The following OXR1 variants were observed in gnomAD, a reference collection of about 807,000 sequenced individuals.
OXR1 encodes the protein oxidation resistance protein 1.
OXR1 carries 41 observed loss-of-function variants against 104.6 expected under a neutral mutation model. The ratio of observed to expected loss-of-function variants is 0.39; its 90% CI spans 0.31 to 0.51. OXR1 has a LOEUF of 0.51. Ranked by LOEUF, OXR1 falls within the 20% of genes least tolerant of loss-of-function variation. The pLI, the probability that OXR1 is intolerant of heterozygous loss-of-function variation, is 0.77. For synonymous variants in OXR1, 348 were observed against 348.4 expected (o/e 1.00, Z 0.01); for missense variants, 955 against 1,031.9 (o/e 0.93, Z 1.02).
intron 10 of OXR1, among the ~76,000 whole-genome samples, chr8:106,713,431 G>A (rs1395402047): frequency 6.6e-6 from 1 of 151,854 alleles, no homozygotes; most frequent in Non-Finnish European, 1.5e-5. Context: ...TGTATATAAT[G>A]TCTCAAAATA....
chr8:106,478,441 C>T (rs769214577), intron 2 of OXR1, among the ~76,000 whole-genome samples: 11 of 151,730 alleles, frequency 7.2e-5, no homozygotes, highest in Non-Finnish European at 1.2e-4. Context: ...TTTTAATTCA[C>T]ACTTGCAAAG....
chr8:106,706,313 T>C lies in OXR1; in HGVS notation c.861-69T>C, dbSNP rs1587172638. 4.7e-6 allele frequency: 5 copies of C among 1,067,924 alleles called. No homozygotes were observed. In the South Asian group the frequency reaches 6.3e-5, roughly 13 times the overall value. The allele number at this position is 1,067,924 out of a possible 1,614,324, so 66.2% of individuals were successfully genotyped here. A position where few individuals can be genotyped will look rare whatever the true frequency, so the allele number is the denominator to read the frequency against. ...TCTTTTTAGTGATACTAATTCTGTG[T>C]TCAGTGTGTGAAAAGTAAAATACCA... On this transcript the variant is annotated intron_variant, in intron 8 of 16. Coordinates refer to ENST00000517566, the MANE Select transcript of OXR1 (RefSeq NM_001198533.2).
intron 7 of OXR1, among the ~76,000 whole-genome samples, chr8:106,701,066 A>G (rs1830548042): frequency 6.6e-6 from 1 of 152,186 alleles, no homozygotes; most frequent in Non-Finnish European, 1.5e-5. Flanking sequence ...GTACTTTACC[A>G]TCTCTCATTG....
chr8:106,370,769 T>G (rs1816673159), intron 2 of OXR1, among the ~76,000 whole-genome samples: 1 of 152,098 alleles, frequency 6.6e-6, no homozygotes, highest in East Asian at 1.9e-4. Context: ...TGTGGATAAG[T>G]TTTTCCATGT....
intron 6 of OXR1, among the ~76,000 whole-genome samples, chr8:106,688,101 G>T (rs1339663397): frequency 2.0e-5 from 3 of 151,810 alleles, no homozygotes; most frequent in Non-Finnish European, 4.4e-5. Flanking sequence ...CTTTTGTTTT[G>T]TACACCTTTG....
At chr8:106,623,652 A>C (rs998504226) in intron 3 of OXR1, among the ~76,000 whole-genome samples, 1 of 152,178 alleles carries the variant, frequency 6.6e-6, no homozygotes, top group Non-Finnish European at 1.5e-5. Flanking sequence ...GAAGAACTGG[A>C]GACTGAAGAA....
chr8:106,341,956 T>A (rs1815271216), intron 1 of OXR1, among the ~76,000 whole-genome samples: 1 of 151,440 alleles, frequency 6.6e-6, no homozygotes, highest in African/African-American at 2.4e-5. Flanking sequence ...GCTCATTGCA[T>A]CCTTGAACTC....
chr8:106,465,780 A>G (rs1033121202), intron 2 of OXR1, among the ~76,000 whole-genome samples: 1 of 152,018 alleles, frequency 6.6e-6, no homozygotes, highest in Admixed American at 6.6e-5. Flanking sequence ...TTTCTCTTAT[A>G]TCACTAGATT....
intron 2 of OXR1, among the ~76,000 whole-genome samples, chr8:106,365,029 T>C (rs1308997127): frequency 6.6e-6 from 1 of 152,098 alleles, no homozygotes; most frequent in African/African-American, 2.4e-5. Context: ...GGGGGAACAA[T>C]GTGGATAAAT....
chr8:106,333,169 T>A (rs78854773), intron 1 of OXR1, among the ~76,000 whole-genome samples: 2,302 of 152,220 alleles, frequency 0.015, 62 homozygotes, highest in African/African-American at 0.052. Context: ...AGGAATGGGA[T>A]TACTGGATCA....
chr8:106,475,472 G>A (rs1274839547), intron 2 of OXR1, among the ~76,000 whole-genome samples: 1 of 151,890 alleles, frequency 6.6e-6, no homozygotes, highest in East Asian at 1.9e-4. Flanking sequence ...AGGCAGAAGA[G>A]GTGGAGGAGG....
In OXR1 at chr8:106,383,532, T is replaced by A. The variant is rs937375996; in HGVS notation, c.23+23896T>A. 5.3e-5 allele frequency among the ~76,000 whole-genome samples: 8 copies of A among 152,210 alleles called. 1 individual carries two copies. The South Asian group carries it at 1.7e-3, about 32-fold the overall frequency. ...AATGCTCACAAATCTATAAGGATTATTTTGCATGTGTTTGATTAAAATGTA... is the reference window on the plus strand; with the variant it reads ...AATGCTCACAAATCTATAAGGATTAATTTGCATGTGTTTGATTAAAATGTA... On this transcript the variant is annotated intron_variant, in intron 2 of 16. Coordinates refer to ENST00000517566, the MANE Select transcript of OXR1 (RefSeq NM_001198533.2).
chr8:106,590,025 ATCT>A (rs1818954201), intron 3 of OXR1, among the ~76,000 whole-genome samples: 1 of 152,120 alleles, frequency 6.6e-6, no homozygotes, highest in Non-Finnish European at 1.5e-5. Context: ...GCAGGAAATA[ATCT>A]TCTCTGAAGA....
At chr8:106,296,537 T>C (rs1003530053) in intron 1 of OXR1, among the ~76,000 whole-genome samples, 2 of 152,184 alleles carry the variant, frequency 1.3e-5, no homozygotes, top group African/African-American at 4.8e-5. Flanking sequence ...TTCTTGCCTA[T>C]CACCTTCCTC....
chr8:106,652,179 T>C (rs767651687), intron 3 of OXR1, among the ~76,000 whole-genome samples: 3 of 152,044 alleles, frequency 2.0e-5, no homozygotes, highest in Non-Finnish European at 2.9e-5. Flanking sequence ...GCCATAGAAA[T>C]AGGGACTCTC....
intron 13 of OXR1, chr8:106,740,114 G>C: frequency 2.4e-6 from 1 of 412,172 alleles, no homozygotes; most frequent in East Asian, 4.2e-5. Context: ...TCTAATCTGT[G>C]TCTGGTTCAG....
chr8:106,559,112 C>A (rs1053188117), intron 3 of OXR1, among the ~76,000 whole-genome samples: 2 of 152,170 alleles, frequency 1.3e-5, no homozygotes, highest in Non-Finnish European at 2.9e-5. Flanking sequence ...TATTTATTCT[C>A]TGAAATACCC....
At chr8:106,735,506 C>T (rs1483323252) in intron 11 of OXR1, among the ~76,000 whole-genome samples, 1 of 151,962 alleles carries the variant, frequency 6.6e-6, no homozygotes, top group Non-Finnish European at 1.5e-5. Flanking sequence ...AATTTCACTT[C>T]CACCCAGGAA....
At chr8:106,583,898 T>A (rs144539265) in intron 3 of OXR1, among the ~76,000 whole-genome samples, 86 of 152,258 alleles carry the variant, frequency 5.6e-4, no homozygotes, top group African/African-American at 1.8e-3. Context: ...TCACTTCCAA[T>A]CTGCTTTTTT....
Sources: gnomAD v4.1 joint callset for allele counts (sites outside exome capture counted in the v4.1 genomes callset) on GRCh38, gnomAD v4.1.1 for gene constraint, MANE v1.5 for transcripts, NCBI Gene and HGNC (gene_info 2026-07-23, HGNC 2026-07-21) for gene names.